VAT1L: variants seen among roughly 807,000 people sequenced by gnomAD.
The protein encoded by VAT1L is putative NADPH-dependent quinone oxidoreductase VAT1L.
Under a neutral mutation model 44.1 loss-of-function variants are expected in VAT1L, and 34 were observed. That is an observed-to-expected ratio of 0.77 (90% CI 0.59 to 1.03). VAT1L has a LOEUF of 1.03. Ranked by LOEUF, VAT1L falls within the 50% of genes least tolerant of loss-of-function variation. VAT1L has a pLI of 0.00. For missense variants in VAT1L, 615 were observed against 538.8 expected (o/e 1.14, Z -1.40); for synonymous variants, 253 against 202.2 (o/e 1.25, Z -2.13).
At chr16:77,893,127 C>CA (rs1190024904) in intron 7 of VAT1L, among the ~76,000 whole-genome samples, 1 of 151,992 alleles carries the variant, frequency 6.6e-6, no homozygotes. Flanking sequence ...ATAACAACAA[C>CA]AAAAAAAGCC....
intron 7 of VAT1L, among the ~76,000 whole-genome samples, chr16:77,952,839 A>C (rs1260979002): frequency 7.7e-6 from 1 of 130,332 alleles, no homozygotes; most frequent in Non-Finnish European, 1.6e-5. Flanking sequence ...CCTGGGGAAC[A>C]GAGTGAGACT....
intron 7 of VAT1L, among the ~76,000 whole-genome samples, chr16:77,886,547 A>G (rs2017211301): frequency 6.6e-6 from 1 of 152,194 alleles, no homozygotes; most frequent in African/African-American, 2.4e-5. Flanking sequence ...CTTGGTTACA[A>G]TGGTAATTGA....
chr16:77,907,185 C>T (rs140701277), intron 7 of VAT1L, among the ~76,000 whole-genome samples: 4 of 152,328 alleles, frequency 2.6e-5, no homozygotes, highest in Non-Finnish European at 5.9e-5. Context: ...CATGACATCA[C>T]TGAATACAGA....
intron 4 of VAT1L, among the ~76,000 whole-genome samples, chr16:77,871,167 G>A (rs1020990209): frequency 1.6e-4 from 25 of 152,130 alleles, no homozygotes; most frequent in Admixed American, 4.6e-4. Flanking sequence ...TCACCCTCAG[G>A]TGCTGAGAAT....
At chr16:77,839,688 G>A (rs1371780727) in intron 3 of VAT1L, among the ~76,000 whole-genome samples, 2 of 151,902 alleles carry the variant, frequency 1.3e-5, no homozygotes, top group African/African-American at 4.8e-5. Context: ...ACCTTGGGGC[G>A]GGATCAGCAA....
At position 77,884,052 on chromosome 16, in the gene VAT1L, A is replaced by T. The variant is rs981286331; in HGVS notation, c.883-556A>T. ...ACCATGTACTTAATATTTCAACTAC[A>T]TGTGGCCATGTAGTTAGTTTTGGGC... is the stretch of plus-strand genomic sequence containing the variant. On this transcript the variant is annotated intron_variant, in intron 6 of 8. Transcript: ENST00000302536. This position sits in a 1 kb window ranked among gnomAD's most constrained non-coding sequence, Gnocchi z 4.5. 6.6e-6 allele frequency among the ~76,000 whole-genome samples: 1 copy of T among 152,180 alleles called. No individual in the cohort carries two copies.
intron 7 of VAT1L, among the ~76,000 whole-genome samples, chr16:77,907,615 G>C (rs1355368777): frequency 1.3e-5 from 1 of 74,256 alleles, no homozygotes; most frequent in Admixed American, 1.4e-4. Context: ...CCAACACAAA[G>C]ATATATTTTT....
intron 1 of VAT1L, among the ~76,000 whole-genome samples, chr16:77,812,666 C>G (rs568267042): frequency 1.3e-5 from 2 of 152,316 alleles, no homozygotes; most frequent in South Asian, 4.1e-4. Context: ...ATGCTGTACT[C>G]TACAAATATA....
chr16:77,857,786 TATA>T (rs1367387186), intron 3 of VAT1L, among the ~76,000 whole-genome samples: 1 of 150,970 alleles, frequency 6.6e-6, no homozygotes, highest in Admixed American at 6.6e-5. Flanking sequence ...TTATATGTTA[TATA>T]ATAATATAAG....
rs370597608 is a variant in VAT1L, at chr16:77,816,949, C to A, written c.262C>A (p.Arg88=). 1.2e-6 allele frequency: 2 copies of A among 1,613,574 alleles called. No homozygotes were observed. The highest frequency in any genetic ancestry group is 1.7e-6 in the Non-Finnish European group (2 of 1,179,792). ...CGLNFIDLMV[R]QGNIDNPPKT... is the part of the protein sequence containing the mutation. ...ATTAAACTTCATTGACTTGATGGTG[C>A]GACAAGGGAATATTGACAACCCTCC... Residue 88 remains arginine, a synonymous_variant, in exon 2 of 9, where the codon CGA becomes AGA. Coordinates refer to ENST00000302536, the MANE Select transcript of VAT1L (RefSeq NM_020927.3).
At chr16:77,939,911 A>G (rs954241946) in intron 7 of VAT1L, among the ~76,000 whole-genome samples, 1 of 152,200 alleles carries the variant, frequency 6.6e-6, no homozygotes, top group African/African-American at 2.4e-5. Flanking sequence ...TGCTTTATAT[A>G]CAATGATCAA....
At chr16:77,889,863 G>T (rs1446014947) in intron 7 of VAT1L, among the ~76,000 whole-genome samples, 1 of 152,098 alleles carries the variant, frequency 6.6e-6, no homozygotes, top group Non-Finnish European at 1.5e-5. Context: ...GAGGCAAGCA[G>T]TTCACTTGAG....
At chr16:77,952,341 G>A (rs2018053945) in intron 7 of VAT1L, among the ~76,000 whole-genome samples, 1 of 152,078 alleles carries the variant, frequency 6.6e-6, no homozygotes, top group African/African-American at 2.4e-5. Flanking sequence ...GTTGGAGATG[G>A]GGCCTAGTGG....
At chr16:77,933,680 A>G (rs1460390327) in intron 7 of VAT1L, among the ~76,000 whole-genome samples, 1 of 152,178 alleles carries the variant, frequency 6.6e-6, no homozygotes, top group East Asian at 1.9e-4. Context: ...AAAGGAGGAG[A>G]GGTCTTAAGC....
At chr16:77,796,260 A>T (rs1454536223) in intron 1 of VAT1L, among the ~76,000 whole-genome samples, 1 of 152,204 alleles carries the variant, frequency 6.6e-6, no homozygotes, top group Non-Finnish European at 1.5e-5. Context: ...TGAGAAACCA[A>T]TGTCAGGTAG....
intron 4 of VAT1L, among the ~76,000 whole-genome samples, chr16:77,863,779 G>T (rs570989427): frequency 3.3e-5 from 5 of 152,258 alleles, no homozygotes; most frequent in Non-Finnish European, 5.9e-5. Flanking sequence ...GGAAAGGGAA[G>T]AAGGGGCATG....
At chr16:77,905,117 A>G (rs924443165) in intron 7 of VAT1L, among the ~76,000 whole-genome samples, 2 of 152,208 alleles carry the variant, frequency 1.3e-5, no homozygotes, top group Non-Finnish European at 2.9e-5. Flanking sequence ...GACCCTTATA[A>G]AACATCCCCT....
rs764916507 is a variant in VAT1L at position 77,879,184 on chromosome 16, T to C, written c.842T>C (p.Val281Ala). Residue 281 changes from valine to alanine, a missense_variant, in exon 6 of 9, where the codon GTA becomes GCA. Physicochemically the swap from Val to Ala is moderately conservative, Grantham distance 64 (BLOSUM62 0). Coordinates refer to ENST00000302536, the MANE Select transcript of VAT1L (RefSeq NM_020927.3). This position sits in a 1 kb window ranked among gnomAD's most constrained non-coding sequence, Gnocchi z 4.1. ...TYILYGSSNM[V>A]TGETKSFFSF... ...TCATTTTCAGGCTCATCCAACATGG[T>C]AACTGGAGAGACCAAGAGCTTCTTC... The C allele has an allele frequency of 6.2e-7, 1 of 1,614,206 alleles. No homozygotes were observed. Among genetic ancestry groups the C allele is most frequent in the South Asian group, 1.1e-5 (1 of 91,080 alleles).
chr16:77,795,813 C>CT (rs56725954), intron 1 of VAT1L, among the ~76,000 whole-genome samples: 6,987 of 100,178 alleles, frequency 0.07, 280 homozygotes, highest in East Asian at 0.2. Context: ...CCTTTTTTCT[C>CT]TTTTTTTTTT....
Sources: gnomAD v4.1 joint callset for allele counts (sites outside exome capture counted in the v4.1 genomes callset) on GRCh38, gnomAD v4.1.1 for gene constraint, Gnocchi (gnomAD v3.1) non-coding constraint, MANE v1.5 for transcripts, NCBI Gene and HGNC (gene_info 2026-07-23, HGNC 2026-07-21) for gene names.